The following SPECC1 variants were observed in gnomAD, a reference collection of about 807,000 sequenced individuals.
SPECC1 encodes cytospin-B.
SPECC1 carries 62 observed loss-of-function variants against 104.1 expected under a neutral mutation model. The observed-to-expected ratio is 0.60, with a 90% CI of 0.49 to 0.74. The LOEUF (loss-of-function observed/expected upper bound fraction) is 0.74. SPECC1 is among the 30% of genes least tolerant of loss of function. The pLI, the probability that SPECC1 is intolerant of heterozygous loss-of-function variation, is 0.00. For synonymous variants in SPECC1, 513 were observed against 501.6 expected (o/e 1.02, Z -0.30); for missense variants, 1,306 against 1,310.5 (o/e 1.00, Z 0.05).
chr17:20,097,790 G>A (rs569439643), intron 2 of SPECC1, among the ~76,000 whole-genome samples: 1 of 152,304 alleles, frequency 6.6e-6, no homozygotes, highest in African/African-American at 2.4e-5. Flanking sequence ...AATAATAAAA[G>A]GTGTTCCACC....
intron 9 of SPECC1, among the ~76,000 whole-genome samples, chr17:20,249,111 A>G (rs1358826344): frequency 2.0e-5 from 3 of 152,180 alleles, no homozygotes; most frequent in African/African-American, 7.2e-5. Flanking sequence ...ACAACGTTAT[A>G]TAGTAACTTT....
At chr17:20,277,413 T>C (rs1004332984) in intron 12 of SPECC1, among the ~76,000 whole-genome samples, 4 of 152,222 alleles carry the variant, frequency 2.6e-5, no homozygotes, top group Non-Finnish European at 4.4e-5. Context: ...ATGATGCTGC[T>C]AAATGAAAGT....
chr17:20,233,664 A>G (rs543626723), intron 7 of SPECC1, among the ~76,000 whole-genome samples: 2 of 152,302 alleles, frequency 1.3e-5, no homozygotes, highest in African/African-American at 4.8e-5. Flanking sequence ...GCGCCAGACA[A>G]GGTCATTACT....
chr17:20,106,205 G>A (rs1422136343), intron 2 of SPECC1, among the ~76,000 whole-genome samples: 1 of 152,158 alleles, frequency 6.6e-6, no homozygotes, highest in Non-Finnish European at 1.5e-5. Flanking sequence ...TTCATTTGGG[G>A]ACCAGGGAGG....
intron 4 of SPECC1, among the ~76,000 whole-genome samples, chr17:20,214,529 A>G (rs906957857): frequency 6.6e-6 from 1 of 152,086 alleles, no homozygotes; most frequent in Non-Finnish European, 1.5e-5. Context: ...TATTTTTGAG[A>G]CGGAGTCTTG....
chr17:20,039,791 A>G (rs1210117274), intron 1 of SPECC1, among the ~76,000 whole-genome samples: 1 of 152,106 alleles, frequency 6.6e-6, no homozygotes, highest in East Asian at 1.9e-4. Flanking sequence ...TCCTGACCTC[A>G]GGTGATCCAC....
chr17:20,292,831 G>A (rs1561974), intron 12 of SPECC1, among the ~76,000 whole-genome samples: 107,751 of 152,098 alleles, frequency 0.71, 39,969 homozygotes, highest in East Asian at 0.99. Context: ...TGCTTGTGTC[G>A]TGAAAGCCAA....
At chr17:20,086,986 C>T (rs1567832958) in intron 1 of SPECC1, 1 of 152,154 alleles carries the variant, frequency 6.6e-6, no homozygotes, top group Non-Finnish European at 1.5e-5. Flanking sequence ...GTGCCCATAT[C>T]CCCGCTTGGC....
At chr17:20,104,898 T>A (rs1280965947) in intron 2 of SPECC1, among the ~76,000 whole-genome samples, 1 of 151,992 alleles carries the variant, frequency 6.6e-6, no homozygotes, top group South Asian at 2.1e-4. Context: ...CAAAGGAGGA[T>A]TTAGATTTTG....
chr17:20,180,074 T>G (rs1329961453), intron 3 of SPECC1, among the ~76,000 whole-genome samples: 1 of 152,148 alleles, frequency 6.6e-6, no homozygotes, highest in African/African-American at 2.4e-5. Flanking sequence ...ATTAAGAGTG[T>G]TAGAAATGGC....
At chr17:20,266,310 G>A (rs569515404) in intron 12 of SPECC1, among the ~76,000 whole-genome samples, 5 of 152,284 alleles carry the variant, frequency 3.3e-5, no homozygotes, top group South Asian at 2.1e-4. Context: ...GGGGCCGGGC[G>A]CGGTGACTCA....
At chr17:20,046,326 A>G (rs1433300480) in intron 1 of SPECC1, among the ~76,000 whole-genome samples, 1 of 152,050 alleles carries the variant, frequency 6.6e-6, no homozygotes, top group East Asian at 1.9e-4. Context: ...AATTATATCT[A>G]ATTTTCTATC....
chr17:20,268,952 T>C (rs887723099), intron 12 of SPECC1, among the ~76,000 whole-genome samples: 2 of 152,054 alleles, frequency 1.3e-5, no homozygotes, highest in Admixed American at 1.3e-4. Flanking sequence ...AATATCAAAG[T>C]GTGTAGAGAC....
intron 13 of SPECC1, among the ~76,000 whole-genome samples, chr17:20,301,637 C>G (rs1471371434): frequency 6.6e-6 from 1 of 152,096 alleles, no homozygotes; most frequent in African/African-American, 2.4e-5. Flanking sequence ...AGCATGTCTT[C>G]TATGATAGTA....
At chr17:20,209,759 A>G (rs1053110773) in intron 4 of SPECC1, among the ~76,000 whole-genome samples, 1 of 152,224 alleles carries the variant, frequency 6.6e-6, no homozygotes, top group Non-Finnish European at 1.5e-5. Flanking sequence ...ATGGAGTTGT[A>G]TGGGATTGTT....
At chr17:20,041,765 A>G (rs1490014975) in intron 1 of SPECC1, among the ~76,000 whole-genome samples, 1 of 150,892 alleles carries the variant, frequency 6.6e-6, no homozygotes, top group African/African-American at 2.4e-5. Context: ...CTGGGACTAC[A>G]GGTGCCCACC....
At chr17:20,099,036 C>T (rs2047791642) in intron 2 of SPECC1, among the ~76,000 whole-genome samples, 1 of 152,146 alleles carries the variant, frequency 6.6e-6, no homozygotes, top group Non-Finnish European at 1.5e-5. Context: ...TCTGCCACTT[C>T]CCCACTGTGA....
intron 3 of SPECC1, among the ~76,000 whole-genome samples, chr17:20,163,850 A>T (rs894530513): frequency 9.2e-5 from 14 of 152,120 alleles, no homozygotes; most frequent in African/African-American, 2.4e-4. Flanking sequence ...GGTGTGAGCC[A>T]CAGTGCCCAG....
Position 20,194,502 on chromosome 17 carries a change from A to ATTATTATTTTT in SPECC1, c.284-9829_284-9828insATTATTTTTTT. Among the ~76,000 whole-genome samples the ATTATTATTTTT allele has an allele frequency of 1.5e-4, 13 of 86,536 alleles. 1 individual carries two copies. The highest frequency in any genetic ancestry group is 5.9e-4 in the African/African-American group (11 of 18,738). 56.8% of individuals were successfully genotyped at this position (86,536 alleles called of 152,430 possible). On this transcript the variant is annotated intron_variant, in intron 3 of 14. Coordinates refer to ENST00000395527, the MANE Select transcript of SPECC1 (RefSeq NM_001243439.2). ...TGTGTTCTGTTAGAAAAGAGAACGAATTTTTTTTTTTTTTTTTTTTTTTGA... is the reference window on the plus strand; with the variant it reads ...TGTGTTCTGTTAGAAAAGAGAACGAATTATTATTTTTTTTTTTTTTTTTTTTTTTTTTTTGA...
Sources: gnomAD v4.1 joint callset for allele counts (sites outside exome capture counted in the v4.1 genomes callset) on GRCh38, gnomAD v4.1.1 for gene constraint, MANE v1.5 for transcripts, NCBI Gene and HGNC (gene_info 2026-07-23, HGNC 2026-07-21) for gene names.